MRC1: variants seen among roughly 807,000 people sequenced by gnomAD.
MRC1 encodes mannose receptor C-type 1, also known as macrophage mannose receptor 1.
Under a neutral mutation model 102.9 loss-of-function variants are expected in MRC1, and 62 were observed. That is an observed-to-expected ratio of 0.60 (90% CI 0.49 to 0.74). The LOEUF is 0.74. Ranked by LOEUF, MRC1 falls within the 30% of genes least tolerant of loss-of-function variation. MRC1 has a pLI of 0.00. For synonymous variants in MRC1, 457 were observed against 298.4 expected (o/e 1.53, Z -5.48); for missense variants, 1,237 against 862.8 (o/e 1.43, Z -5.43).
intron 23 of MRC1, among the ~76,000 whole-genome samples, chr10:17,895,324 A>G (rs1833739768): frequency 6.6e-6 from 1 of 152,204 alleles, no homozygotes; most frequent in Non-Finnish European, 1.5e-5. Flanking sequence ...ATGACAGACA[A>G]AAAGGGTAAT....
At chr10:17,885,054 T>C (rs1833573014) in intron 21 of MRC1, among the ~76,000 whole-genome samples, 1 of 152,222 alleles carries the variant, frequency 6.6e-6, no homozygotes, top group Admixed American at 6.5e-5. Context: ...AGATAAAACC[T>C]AGACTTTTAT....
chr10:17,820,232 C>T (rs1193728550), intron 1 of MRC1, among the ~76,000 whole-genome samples: 1 of 152,140 alleles, frequency 6.6e-6, no homozygotes, highest in South Asian at 2.1e-4. Context: ...AAATTAACCA[C>T]TGCAGTGTAT....
At position 17,885,526 on chromosome 10, in the gene MRC1, C is replaced by A; in HGVS notation, c.3147+91C>A. 9.4e-6 allele frequency: 7 copies of A among 743,606 alleles called. No homozygotes were observed. The South Asian group carries it at 1.1e-4, about 11-fold the overall frequency. 46.1% of individuals were successfully genotyped at this position (743,606 alleles called of 1,614,324 possible). A position where few individuals can be genotyped will look rare whatever the true frequency, so the allele number is the denominator to read the frequency against. Reference sequence around the variant, plus strand: ...ATTACTGTTCCATGAAAGAATCTACCAGAATACTCCTTGATCTGTTCTATG... The same window carrying A: ...ATTACTGTTCCATGAAAGAATCTACAAGAATACTCCTTGATCTGTTCTATG... On this transcript the variant is annotated intron_variant, in intron 22 of 29. Transcript: ENST00000569591.
intron 17 of MRC1, among the ~76,000 whole-genome samples, chr10:17,877,518 C>A (rs1377952922): frequency 1.3e-5 from 2 of 150,900 alleles, no homozygotes; most frequent in Non-Finnish European, 3.0e-5. Flanking sequence ...ACTGATTATT[C>A]TTTTTTATAT....
chr10:17,826,259 G>T (rs1421846660), intron 2 of MRC1, among the ~76,000 whole-genome samples: 1 of 152,052 alleles, frequency 6.6e-6, no homozygotes, highest in Non-Finnish European at 1.5e-5. Flanking sequence ...CTGGAGTACA[G>T]TGGCGTGATC....
Position 17,897,178 on chromosome 10 carries a change from A to C in MRC1, c.3251-856A>C, listed in dbSNP as rs1047952038. The stretch of plus-strand genomic sequence containing the variant: ...TTTAAAAACTTTTTCAGCTCACAGG[A>C]TACAAAGACAGACCACAGGTCAGAT... On this transcript the variant is annotated intron_variant, in intron 23 of 29. Coordinates refer to ENST00000569591, the MANE Select transcript of MRC1 (RefSeq NM_002438.4). Among the ~76,000 whole-genome samples the C allele has an allele frequency of 1.4e-4, 21 of 152,332 alleles. No individual in the cohort carries two copies. In the East Asian group the frequency reaches 3.5e-3, roughly 25 times the overall value.
At chr10:17,902,772 T>G (rs1191881318) in intron 26 of MRC1, among the ~76,000 whole-genome samples, 1 of 152,202 alleles carries the variant, frequency 6.6e-6, no homozygotes, top group Non-Finnish European at 1.5e-5. Context: ...ACTTTTGACT[T>G]TAAATTCTGA....
rs1362937452 is a variant in MRC1, at chr10:17,870,320, C to G, written c.2058C>G (p.Asp686Glu). 1 of 780,350 alleles carries G rather than the reference C, an allele frequency of 1.3e-6. No individual in the cohort carries two copies. Among genetic ancestry groups the G allele is most frequent in the East Asian group, 2.4e-5 (1 of 41,220 alleles). The allele number at this position is 780,350 out of a possible 1,614,324, so 48.3% of individuals were successfully genotyped here. Residue 686 changes from aspartate (D) to glutamate (E), a missense_variant, in exon 13 of 30, where the codon GAC (aspartate) becomes GAG (glutamate). Transcript: ENST00000569591. The part of the protein sequence containing the change: ...SRDFCRALGG[D>E]LASINNKEEQ... Reference sequence around the variant, plus strand: ...ATTTTTGTCGAGCTCTGGGTGGAGACTTAGCTAGCATCAATAACAAAGAGG... The same window carrying G: ...ATTTTTGTCGAGCTCTGGGTGGAGAGTTAGCTAGCATCAATAACAAAGAGG...
At chr10:17,890,484 G>A (rs1833656629) in intron 22 of MRC1, among the ~76,000 whole-genome samples, 1 of 152,134 alleles carries the variant, frequency 6.6e-6, no homozygotes, top group Non-Finnish European at 1.5e-5. Flanking sequence ...CTCTTAAGGT[G>A]TTTTTGATGT....
At chr10:17,869,511 C>T (rs1373299540) in intron 12 of MRC1, among the ~76,000 whole-genome samples, 3 of 152,110 alleles carry the variant, frequency 2.0e-5, no homozygotes, top group Non-Finnish European at 2.9e-5. Flanking sequence ...TCAATGGCCA[C>T]GATTACCTCC....
intron 4 of MRC1, among the ~76,000 whole-genome samples, chr10:17,840,223 TC>T (rs1359211216): frequency 6.6e-6 from 1 of 152,208 alleles, no homozygotes; most frequent in Non-Finnish European, 1.5e-5. Context: ...AAGCAAAGCA[TC>T]CTTGGTGTTA....
At chr10:17,894,607 C>A (rs1833729151) in intron 23 of MRC1, among the ~76,000 whole-genome samples, 1 of 151,804 alleles carries the variant, frequency 6.6e-6, no homozygotes, top group Admixed American at 6.6e-5. Flanking sequence ...CCATGTTGCC[C>A]AGGCTGGTCT....
At chr10:17,885,985 A>G (rs1309819953) in intron 22 of MRC1, among the ~76,000 whole-genome samples, 3 of 152,130 alleles carry the variant, frequency 2.0e-5, no homozygotes, top group Non-Finnish European at 4.4e-5. Context: ...ATCAACATCA[A>G]CACCATGTTA....
chr10:17,885,985 A>C (rs1309819953), intron 22 of MRC1, among the ~76,000 whole-genome samples: 1 of 152,130 alleles, frequency 6.6e-6, no homozygotes, highest in African/African-American at 2.4e-5. Flanking sequence ...ATCAACATCA[A>C]CACCATGTTA....
chr10:17,883,021 T>G (rs1308828022), intron 21 of MRC1, among the ~76,000 whole-genome samples: 1 of 152,216 alleles, frequency 6.6e-6, no homozygotes, highest in Non-Finnish European at 1.5e-5. Flanking sequence ...AAAAAAGTGC[T>G]GAATCTTGGC....
chr10:17,868,500 G>A (rs1258441746), intron 12 of MRC1, among the ~76,000 whole-genome samples: 4 of 152,154 alleles, frequency 2.6e-5, no homozygotes, highest in East Asian at 3.8e-4. Flanking sequence ...GGGGATTACA[G>A]GTCCCTCCTT....
chr10:17,818,951 C>G (rs2130582492), intron 1 of MRC1, among the ~76,000 whole-genome samples: 1 of 152,236 alleles, frequency 6.6e-6, no homozygotes, highest in East Asian at 1.9e-4. Flanking sequence ...TGAGGGCAGA[C>G]AGGTCACTGT....
At chr10:17,860,196 C>G (rs912965405) in intron 9 of MRC1, among the ~76,000 whole-genome samples, 12 of 151,922 alleles carry the variant, frequency 7.9e-5, no homozygotes, top group African/African-American at 2.9e-4. Flanking sequence ...ATTCGGGTAC[C>G]TGGAGTTTTC....
At chr10:17,839,993 G>A (rs1313696019) in intron 4 of MRC1, among the ~76,000 whole-genome samples, 3 of 148,952 alleles carry the variant, frequency 2.0e-5, no homozygotes, top group Non-Finnish European at 4.4e-5. Context: ...TTGAACCCGA[G>A]AGGAGGAGGT....
Sources: allele counts gnomAD v4.1 joint callset (sites outside exome capture counted in the v4.1 genomes callset), GRCh38; gene constraint gnomAD v4.1.1; transcripts MANE v1.5; gene names NCBI Gene and HGNC (gene_info 2026-07-23, HGNC 2026-07-21).